Variants in FRMD5 observed in about 807,000 individuals in gnomAD.
FRMD5 encodes FERM domain containing 5.
A neutral mutation model predicts 69.0 loss-of-function variants in FRMD5; 20 were observed. The ratio of observed to expected loss-of-function variants is 0.29; its 90% CI spans 0.20 to 0.42. The LOEUF (loss-of-function observed/expected upper bound fraction) is 0.42. Among genes scored for constraint, FRMD5 ranks in the 10% least tolerant of loss-of-function variants. FRMD5 has a pLI of 1.00. For synonymous variants in FRMD5, 271 were observed against 260.1 expected (o/e 1.04, Z -0.40); for missense variants, 595 against 708.6 (o/e 0.84, Z 1.82).
At chr15:43,916,494 T>A (rs1006758136) in intron 4 of FRMD5, among the ~76,000 whole-genome samples, 3 of 152,230 alleles carry the variant, frequency 2.0e-5, no homozygotes, top group African/African-American at 7.2e-5. Context: ...GAGACTTTGC[T>A]CAGTGCAAGG....
intron 1 of FRMD5, among the ~76,000 whole-genome samples, chr15:44,156,311 C>T (rs2706475): frequency 0.86 from 131,174 of 152,072 alleles, 56,989 homozygotes; most frequent in African/African-American, 0.96. Flanking sequence ...GCCCAACCAA[C>T]TGTTGTATTT....
At position 44,155,553 on chromosome 15, in the gene FRMD5, G is replaced by A. The variant is rs149221556; in HGVS notation, c.102+39400C>T. On this transcript the variant is annotated intron_variant, in intron 1 of 13. Transcript: ENST00000417257. ...ACTCCATTCCTTTATCAAAAAAAGGGTTGAATTCTTTTATTCACTAATTTA... is the reference window on the plus strand; with the variant it reads ...ACTCCATTCCTTTATCAAAAAAAGGATTGAATTCTTTTATTCACTAATTTA... 4.0e-3 allele frequency among the ~76,000 whole-genome samples: 601 copies of A among 151,932 alleles called. 5 individuals carry two copies. Among genetic ancestry groups the A allele is most frequent in the African/African-American group, 0.014 (562 of 41,488 alleles).
At chr15:44,030,392 T>A (rs1272915356) in intron 1 of FRMD5, among the ~76,000 whole-genome samples, 1 of 152,110 alleles carries the variant, frequency 6.6e-6, no homozygotes, top group Non-Finnish European at 1.5e-5. Context: ...TATTTACTTC[T>A]CCTTGAGCAA....
At chr15:44,013,223 T>C (rs574411080) in intron 1 of FRMD5, among the ~76,000 whole-genome samples, 4 of 152,160 alleles carry the variant, frequency 2.6e-5, no homozygotes, top group Non-Finnish European at 5.9e-5. Flanking sequence ...ATCCTATCTT[T>C]ACAAAAACAT....
intron 1 of FRMD5, among the ~76,000 whole-genome samples, chr15:44,080,223 A>G (rs1893941872): frequency 6.6e-6 from 1 of 152,098 alleles, no homozygotes; most frequent in Non-Finnish European, 1.5e-5. Context: ...CCCAATTTTA[A>G]ATTAAGAGTT....
chr15:43,993,095 T>A (rs1889760556), intron 1 of FRMD5, among the ~76,000 whole-genome samples: 1 of 152,214 alleles, frequency 6.6e-6, no homozygotes, highest in South Asian at 2.1e-4. Flanking sequence ...TCTAGTTTCA[T>A]ACTTTGGTGG....
rs1218336033 is a variant in FRMD5, at chr15:43,874,143, C to A, written c.1455G>T (p.Gly485=). 1 of 1,614,226 alleles carries A rather than the reference C, an allele frequency of 6.2e-7. No homozygotes were observed. Among genetic ancestry groups the A allele is most frequent in the Non-Finnish European group, 8.5e-7 (1 of 1,180,032 alleles). Residue 485 remains glycine, a synonymous_variant, in exon 14 of 14, where the codon GGG becomes GGT. Coordinates refer to ENST00000417257, the MANE Select transcript of FRMD5 (RefSeq NM_032892.5). Reference sequence around the variant, plus strand: ...CCTGTTCCTCCTCGGGCCCGCTGTGCCCCTGACACAGGGCCCTCAGCTCTC... The same window carrying A: ...CCTGTTCCTCCTCGGGCCCGCTGTGACCCTGACACAGGGCCCTCAGCTCTC... ...LGGELRALCQ[G]HSGPEEEQVN...
chr15:43,896,066 C>G (rs945039133), intron 7 of FRMD5, among the ~76,000 whole-genome samples: 10 of 152,210 alleles, frequency 6.6e-5, no homozygotes, highest in African/African-American at 2.4e-4. Context: ...GTCCCCTTCC[C>G]ATCCCTATGA....
intron 1 of FRMD5, among the ~76,000 whole-genome samples, chr15:44,058,983 C>T (rs913025205): frequency 1.3e-5 from 2 of 152,042 alleles, no homozygotes; most frequent in African/African-American, 2.4e-5. Flanking sequence ...CACTAAATTT[C>T]CCCAAGCAAC....
intron 1 of FRMD5, among the ~76,000 whole-genome samples, chr15:43,947,222 G>C (rs80116767): frequency 6.6e-6 from 1 of 152,152 alleles, no homozygotes; most frequent in Non-Finnish European, 1.5e-5. Context: ...ATTACACAGC[G>C]GTGGCTGCTA....
intron 1 of FRMD5, among the ~76,000 whole-genome samples, chr15:44,078,889 A>T (rs1048137897): frequency 6.5e-4 from 99 of 152,254 alleles, no homozygotes; most frequent in African/African-American, 2.2e-3. Context: ...TTCTTAGACC[A>T]CCAAAGCAAA....
Position 43,873,523 on chromosome 15 carries a change from A to G in FRMD5, c.*362T>C. On this transcript the variant is annotated 3_prime_UTR_variant, in exon 14 of 14. Coordinates refer to ENST00000417257, the MANE Select transcript of FRMD5 (RefSeq NM_032892.5). Reference sequence around the variant, plus strand: ...CCCCTCTGCTAGGTGATACTACTGCAATAATCAGTAATAGTAAAATAAATT... The same window carrying G: ...CCCCTCTGCTAGGTGATACTACTGCGATAATCAGTAATAGTAAAATAAATT... 2 of 1,389,908 alleles carry G rather than the reference A, an allele frequency of 1.4e-6. No homozygotes were observed. Among genetic ancestry groups the G allele is most frequent in the Non-Finnish European group, 1.9e-6 (2 of 1,068,454 alleles). The allele number at this position is 1,389,908 out of a possible 1,614,324, so 86.1% of individuals were successfully genotyped here.
At chr15:44,104,888 T>C (rs1279861564) in intron 1 of FRMD5, among the ~76,000 whole-genome samples, 1 of 152,128 alleles carries the variant, frequency 6.6e-6, no homozygotes, top group South Asian at 2.1e-4. Context: ...TTTTCGAGGC[T>C]CATCCATGTA....
intron 1 of FRMD5, among the ~76,000 whole-genome samples, chr15:43,991,462 C>T (rs892273911): frequency 6.6e-6 from 1 of 152,206 alleles, no homozygotes; most frequent in African/African-American, 2.4e-5. Flanking sequence ...GCTACTGCTG[C>T]TGCTGCATTC....
At chr15:43,877,827 AG>A (rs2088407065) in intron 13 of FRMD5, among the ~76,000 whole-genome samples, 1 of 152,240 alleles carries the variant, frequency 6.6e-6, no homozygotes, top group Non-Finnish European at 1.5e-5. Context: ...TGTGGTTGGC[AG>A]TTAATGGCAA....
At chr15:43,966,968 CAGAAGCAGAGAGA>C (rs1280025793) in intron 1 of FRMD5, among the ~76,000 whole-genome samples, 59 of 152,008 alleles carry the variant, frequency 3.9e-4, no homozygotes, top group Non-Finnish European at 3.5e-4. Context: ...AACAGAGAAA[CAGAAGCAGAGAGA>C]AAGAAAAGGA....
rs566684153 is a variant in FRMD5, at chr15:44,173,521, A to G, written c.102+21432T>C. Among the ~76,000 whole-genome samples the G allele has an allele frequency of 4.8e-3, 735 of 152,114 alleles. 7 individuals are homozygous for G. The highest frequency in any genetic ancestry group is 5.9e-3 in the Non-Finnish European group (401 of 67,984). ...CCAAATATAAGGAAGAAAAAAATAT[A>G]CATATTTTTTTCTTGAGACAGAGTC... On this transcript the variant is annotated intron_variant, in intron 1 of 13. Transcript: ENST00000417257.
intron 1 of FRMD5, among the ~76,000 whole-genome samples, chr15:44,090,501 G>A (rs1018783639): frequency 1.5e-4 from 22 of 151,086 alleles, no homozygotes; most frequent in African/African-American, 3.7e-4. Flanking sequence ...GAGCAATGGC[G>A]TGATCTCGGC....
chr15:43,915,884 G>C (rs377694396), intron 4 of FRMD5, among the ~76,000 whole-genome samples: 2 of 152,188 alleles, frequency 1.3e-5, no homozygotes, highest in East Asian at 1.9e-4. Flanking sequence ...GGGATGGAGG[G>C]CTCTAAGCCA....
Sources: gnomAD v4.1 joint callset for allele counts (sites outside exome capture counted in the v4.1 genomes callset) on GRCh38, gnomAD v4.1.1 for gene constraint, MANE v1.5 for transcripts, NCBI Gene and HGNC (gene_info 2026-07-23, HGNC 2026-07-21) for gene names.